The following POU6F2 variants were observed in gnomAD, a reference collection of about 807,000 sequenced individuals.
POU6F2 encodes the protein POU class 6 homeobox 2, also known as POU domain, class 6, transcription factor 2.
Under a neutral mutation model 71.3 loss-of-function variants are expected in POU6F2, and 31 were observed. That is an observed-to-expected ratio of 0.43 (90% CI 0.33 to 0.59). The LOEUF is 0.59. POU6F2 is among the 20% of genes least tolerant of loss of function. POU6F2 has a pLI of 0.04. For missense variants in POU6F2, 783 were observed against 856.8 expected (o/e 0.91, Z 1.07); for synonymous variants, 347 against 355.7 (o/e 0.98, Z 0.27).
At chr7:39,434,778 C>T (rs2116039374) in intron 7 of POU6F2, among the ~76,000 whole-genome samples, 1 of 152,226 alleles carries the variant, frequency 6.6e-6, no homozygotes, top group Middle Eastern at 3.4e-3. Flanking sequence ...TCTAAGTTCC[C>T]TCCTCACATC....
At chr7:39,244,176 A>G (rs1238712935) in intron 4 of POU6F2, among the ~76,000 whole-genome samples, 2 of 152,184 alleles carry the variant, frequency 1.3e-5, no homozygotes, top group East Asian at 3.9e-4. Flanking sequence ...TTTTGTCATG[A>G]GACATTAGAA....
intron 2 of POU6F2, among the ~76,000 whole-genome samples, chr7:39,203,667 TA>T (rs1180375934): frequency 2.6e-5 from 4 of 152,230 alleles, no homozygotes; most frequent in Admixed American, 1.3e-4. Flanking sequence ...GCGGGATTCC[TA>T]CTGTTTCAAT....
chr7:39,295,575 C>T (rs1784830234), intron 4 of POU6F2, among the ~76,000 whole-genome samples: 1 of 152,178 alleles, frequency 6.6e-6, no homozygotes, highest in Non-Finnish European at 1.5e-5. Flanking sequence ...AAGATTGCCC[C>T]ATTACACTCC....
At chr7:39,342,563 T>C (rs186696709) in intron 5 of POU6F2, among the ~76,000 whole-genome samples, 154 of 152,336 alleles carry the variant, frequency 1.0e-3, no homozygotes, top group African/African-American at 3.3e-3. Flanking sequence ...AACTATGCAA[T>C]GTAGATTACC....
In POU6F2 at chr7:39,044,528, G is replaced by A. The variant is rs12535975; in HGVS notation, c.106-41332G>A. On this transcript the variant is annotated intron_variant, in intron 1 of 9. Coordinates refer to ENST00000518318, the MANE Select transcript of POU6F2 (RefSeq NM_001370959.1). ...GCATTTTGATTTAAAATTAAAAGACGTTGTTTTTCTGAGACTGATAGATTT... is the reference window on the plus strand; with the variant it reads ...GCATTTTGATTTAAAATTAAAAGACATTGTTTTTCTGAGACTGATAGATTT... Among the ~76,000 whole-genome samples the A allele has an allele frequency of 4.8e-3, 724 of 151,986 alleles. 10 individuals carry two copies. The highest frequency in any genetic ancestry group is 0.028 in the Admixed American group (432 of 15,232).
intron 4 of POU6F2, among the ~76,000 whole-genome samples, chr7:39,286,829 C>T (rs1387323496): frequency 1.3e-5 from 2 of 152,086 alleles, no homozygotes; most frequent in Non-Finnish European, 2.9e-5. Flanking sequence ...GTGGTATGAT[C>T]CTGGCTCACT....
intron 5 of POU6F2, among the ~76,000 whole-genome samples, chr7:39,380,097 T>C (rs1292767247): frequency 6.6e-6 from 1 of 152,226 alleles, no homozygotes; most frequent in Non-Finnish European, 1.5e-5. Context: ...ATTGCCATAT[T>C]ATTCACATGA....
chr7:39,440,592 T>G (rs999202331), intron 7 of POU6F2, among the ~76,000 whole-genome samples: 1 of 152,236 alleles, frequency 6.6e-6, no homozygotes, highest in Non-Finnish European at 1.5e-5. Context: ...CTCAAACCTT[T>G]TATCAAGGTT....
intron 7 of POU6F2, among the ~76,000 whole-genome samples, chr7:39,434,116 A>C (rs1371244885): frequency 6.6e-6 from 1 of 152,164 alleles, no homozygotes; most frequent in Non-Finnish European, 1.5e-5. Flanking sequence ...TAGTCATCCC[A>C]GAGATAATGG....
At chr7:39,206,645 A>G (rs1404968664) in intron 3 of POU6F2, among the ~76,000 whole-genome samples, 1 of 152,222 alleles carries the variant, frequency 6.6e-6, no homozygotes, top group Non-Finnish European at 1.5e-5. Context: ...ATTTTTCTAA[A>G]GAGGTGTCAT....
chr7:39,362,031 T>C (rs1449028592), intron 5 of POU6F2, among the ~76,000 whole-genome samples: 1 of 152,228 alleles, frequency 6.6e-6, no homozygotes, highest in Non-Finnish European at 1.5e-5. Context: ...TATCTGGTGG[T>C]GATGTCTGAG....
At chr7:39,408,412 C>T (rs1247017324) in intron 6 of POU6F2, among the ~76,000 whole-genome samples, 3 of 152,204 alleles carry the variant, frequency 2.0e-5, no homozygotes, top group African/African-American at 7.2e-5. Context: ...GGGCTGATTA[C>T]TTTGCCAATT....
At chr7:39,267,850 A>G (rs1167329024) in intron 4 of POU6F2, among the ~76,000 whole-genome samples, 1 of 152,140 alleles carries the variant, frequency 6.6e-6, no homozygotes, top group Admixed American at 6.5e-5. Flanking sequence ...CTCATGTCAG[A>G]ATTTAATTTA....
chr7:39,222,468 AT>A (rs1331045527), intron 4 of POU6F2, among the ~76,000 whole-genome samples: 1 of 152,172 alleles, frequency 6.6e-6, no homozygotes, highest in Admixed American at 6.5e-5. Flanking sequence ...CACCAAGTAC[AT>A]TTACATTTCT....
At chr7:39,403,857 C>CCT (rs1304140349) in intron 5 of POU6F2, among the ~76,000 whole-genome samples, 3 of 152,210 alleles carry the variant, frequency 2.0e-5, no homozygotes, top group Non-Finnish European at 4.4e-5. Flanking sequence ...CACCAGTGGT[C>CCT]CTCCTGGAAT....
chr7:39,464,259 A>T lies in POU6F2; in HGVS notation c.1736A>T (p.Lys579Ile). The T allele has an allele frequency of 6.2e-7, 1 of 1,613,998 alleles. No homozygotes were observed. Among genetic ancestry groups the T allele is most frequent in the Non-Finnish European group, 8.5e-7 (1 of 1,179,886 alleles). The part of the protein sequence containing the change: ...ENTIASSLTA[K>I]LNPGLLYPAR... Reference sequence around the variant, plus strand: ...ACTATAGCTAGCAGTCTGACAGCCAAACTGAACCCTGGCCTTTTGTATCCT... The same window carrying T: ...ACTATAGCTAGCAGTCTGACAGCCATACTGAACCCTGGCCTTTTGTATCCT... Residue 579 changes from lysine (K) to isoleucine (I), a missense_variant, in exon 10 of 10, where the codon AAA (lysine) becomes ATA (isoleucine). Lys to Ile is a moderately radical substitution (Grantham distance 102). Around this residue, in one of 2 missense-constraint regions of POU6F2, gnomAD observed 211 missense variants for 283.9 expected, o/e 0.74. Transcript: ENST00000518318. The surrounding 1 kb of genome is among the most constrained non-coding windows in gnomAD (Gnocchi z 4.1).
rs951351290 is a variant in POU6F2 at position 39,067,044 on chromosome 7, T to G, written c.106-18816T>G. ...ATAAATCATATTTAGAAATATAAAATGTATATATTATGTATATGGCATATA... is the reference window on the plus strand; with the variant it reads ...ATAAATCATATTTAGAAATATAAAAGGTATATATTATGTATATGGCATATA... On this transcript the variant is annotated intron_variant, in intron 1 of 9. Transcript: ENST00000518318. 2.0e-5 allele frequency among the ~76,000 whole-genome samples: 3 copies of G among 148,712 alleles called. No homozygotes were observed. The Admixed American group carries it at 2.0e-4, about 10-fold the overall frequency.
At chr7:39,234,981 A>G (rs1279056084) in intron 4 of POU6F2, among the ~76,000 whole-genome samples, 2 of 152,188 alleles carry the variant, frequency 1.3e-5, no homozygotes, top group Non-Finnish European at 2.9e-5. Flanking sequence ...CTCTAATGCA[A>G]CAGAACAAGT....
At chr7:39,288,297 G>C (rs757335211) in intron 4 of POU6F2, among the ~76,000 whole-genome samples, 40 of 152,052 alleles carry the variant, frequency 2.6e-4, no homozygotes, top group Non-Finnish European at 5.6e-4. Context: ...GCCCACCTCT[G>C]CCCCTCTCAG....
Sources: allele counts gnomAD v4.1 joint callset (sites outside exome capture counted in the v4.1 genomes callset), GRCh38; gene constraint gnomAD v4.1.1; regional missense constraint gnomAD v4.1.1; non-coding constraint Gnocchi (gnomAD v3.1); transcripts MANE v1.5; gene names NCBI Gene and HGNC (gene_info 2026-07-23, HGNC 2026-07-21).